Variants in MCF2L observed in about 807,000 individuals in gnomAD.
MCF2L encodes the protein guanine nucleotide exchange factor DBS.
A neutral mutation model predicts 153.4 loss-of-function variants in MCF2L; 97 were observed. The observed-to-expected ratio is 0.63, with a 90% CI of 0.54 to 0.75. MCF2L has a LOEUF of 0.75. MCF2L is among the 30% of genes least tolerant of loss of function. MCF2L has a pLI of 0.00. For missense variants in MCF2L, 1,347 were observed against 1,495.2 expected (o/e 0.90, Z 1.64); for synonymous variants, 659 against 632.2 (o/e 1.04, Z -0.64).
chr13:112,949,229 C>T (rs1240832331), intron 2 of MCF2L, among the ~76,000 whole-genome samples: 1 of 152,216 alleles, frequency 6.6e-6, no homozygotes, highest in South Asian at 2.1e-4. Context: ...AGCCCTATAG[C>T]TATTAAATAC....
Position 113,025,781 on chromosome 13 carries a change from G to A in MCF2L, c.278+1023G>A, listed in dbSNP as rs368313919. ...AACTATGGGATGAGGCAGAGTCCCTGTGAGATTTCCCTGTCATGGGGTCCC... is the reference window on the plus strand; with the variant it reads ...AACTATGGGATGAGGCAGAGTCCCTATGAGATTTCCCTGTCATGGGGTCCC... On this transcript the variant is annotated intron_variant, in intron 3 of 29. Transcript: ENST00000535094. Among the ~76,000 whole-genome samples, 99 of 146,468 alleles carry A rather than the reference G, an allele frequency of 6.8e-4. 6 individuals are homozygous for A. The East Asian group carries it at 0.016, about 24-fold the overall frequency.
At chr13:112,967,277 G>C (rs1329169395), upstream of MCF2L, among the ~76,000 whole-genome samples, 2 of 152,128 alleles carry the variant, frequency 1.3e-5, no homozygotes, top group African/African-American at 2.4e-5. Context: ...TGCAGACCAT[G>C]TGTAGACAGG....
chr13:112,910,747 C>T (rs985185600), intron 2 of MCF2L: 1 of 152,266 alleles, frequency 6.6e-6, no homozygotes, highest in Admixed American at 6.5e-5. Flanking sequence ...GGCTTCCTGC[C>T]CCCCGGTCCC....
At chr13:113,020,750 C>T (rs3011519) in intron 2 of MCF2L, among the ~76,000 whole-genome samples, 98,975 of 152,050 alleles carry the variant, frequency 0.65, 32,532 homozygotes, top group East Asian at 0.8. Flanking sequence ...GGAAGACAGA[C>T]ATCCAGTCCA....
chr13:112,917,240 A>G, intron 2 of MCF2L: 2 of 465,272 alleles, frequency 4.3e-6, no homozygotes, highest in Non-Finnish European at 8.9e-6. Flanking sequence ...CTCCACCCGC[A>G]TCCTACAGGT....
upstream of MCF2L, among the ~76,000 whole-genome samples, chr13:112,966,462 C>A (rs147284166): frequency 9.8e-5 from 15 of 152,316 alleles, no homozygotes; most frequent in East Asian, 2.9e-3. This position sits in a 1 kb window ranked among gnomAD's most constrained non-coding sequence, Gnocchi z 4.1. Context: ...ACACACCTTA[C>A]TCAAAGTCTA....
intron 15 of MCF2L, 53 bp downstream of exon 15, chr13:113,078,792 C>A (rs1166973571): frequency 6.8e-6 from 10 of 1,465,676 alleles, no homozygotes; most frequent in Non-Finnish European, 9.3e-6. Flanking sequence ...GCAGCCTGAA[C>A]CACCAGATGC....
intron 26 of MCF2L, chr13:113,090,742 T>G: frequency 1.0e-6 from 1 of 985,506 alleles, no homozygotes; most frequent in Non-Finnish European, 1.2e-6. Flanking sequence ...AAGGGCTCTT[T>G]CCAGAGAAGT....
At chr13:112,980,607 C>T (rs970713707) in intron 1 of MCF2L, among the ~76,000 whole-genome samples, 14 of 73,038 alleles carry the variant, frequency 1.9e-4, no homozygotes, top group African/African-American at 4.7e-4. Context: ...GGCCACCATG[C>T]GCAGGAGAGC....
intron 15 of MCF2L, among the ~76,000 whole-genome samples, chr13:113,080,880 G>A (rs2034067438): frequency 6.6e-6 from 1 of 152,072 alleles, no homozygotes; most frequent in Admixed American, 6.5e-5. Flanking sequence ...CCATGAGCGT[G>A]AGGAACTCAG....
intron 13 of MCF2L, among the ~76,000 whole-genome samples, chr13:113,077,458 C>T (rs1311790277): frequency 2.0e-5 from 3 of 152,230 alleles, no homozygotes; most frequent in South Asian, 2.1e-4. Flanking sequence ...TTGTAGGCAT[C>T]GTTGTGGCTG....
chr13:113,086,406 G>GCCCCACAGCCGGGTCCACAGA (rs1233014488), intron 21 of MCF2L, among the ~76,000 whole-genome samples, 157 bp downstream of exon 21: 9 of 152,204 alleles, frequency 5.9e-5, no homozygotes, highest in East Asian at 1.9e-4. Flanking sequence ...CCACTCCCAG[G>GCCCCACAGCCGGGTCCACAGA]CCCCACAGCC....
chr13:112,919,536 A>C (rs1006954112), intron 2 of MCF2L, among the ~76,000 whole-genome samples: 4 of 152,088 alleles, frequency 2.6e-5, no homozygotes, highest in Admixed American at 6.5e-5. Flanking sequence ...ATTTAAATGA[A>C]ATTTTTCTTT....
chr13:113,041,494 G>A (rs191264195), intron 3 of MCF2L, among the ~76,000 whole-genome samples: 764 of 142,820 alleles, frequency 5.3e-3, no homozygotes, highest in African/African-American at 0.022. Context: ...GGGGGATCAC[G>A]TGGCCCTGCC....
intron 2 of MCF2L, among the ~76,000 whole-genome samples, chr13:112,925,331 C>G (rs1034259381): frequency 6.6e-6 from 1 of 152,150 alleles, no homozygotes; most frequent in Non-Finnish European, 1.5e-5. Context: ...AAAACATGGA[C>G]AGGGTCTAAA....
intron 26 of MCF2L, among the ~76,000 whole-genome samples, chr13:113,091,936 A>G (rs6577027): frequency 0.99 from 150,940 of 152,280 alleles, 74,823 homozygotes; most frequent in East Asian, 1. Context: ...CACATGACAC[A>G]GCGAGCCTCA....
At chr13:112,990,130 C>T (rs989915875) in intron 1 of MCF2L, among the ~76,000 whole-genome samples, 3 of 152,206 alleles carry the variant, frequency 2.0e-5, no homozygotes, top group African/African-American at 4.8e-5. Flanking sequence ...CGACCAGTAC[C>T]GGTCTGTGGC....
At chr13:113,082,304 A>C in intron 16 of MCF2L, 123 bp from the exon 17 acceptor site, 1 of 650,894 alleles carries the variant, frequency 1.5e-6, no homozygotes, top group Non-Finnish European at 2.8e-6. Flanking sequence ...GTAACTTAGA[A>C]ATCACCCGAG....
chr13:113,090,560 A>G (rs503176), intron 26 of MCF2L: 864,481 of 985,144 alleles, frequency 0.88, 380,828 homozygotes, highest in East Asian at 0.99. Context: ...TGGGGCATCC[A>G]CTAGTGAACA....
Sources: allele counts gnomAD v4.1 joint callset (sites outside exome capture counted in the v4.1 genomes callset), GRCh38; gene constraint gnomAD v4.1.1; non-coding constraint Gnocchi (gnomAD v3.1); transcripts MANE v1.5; gene names NCBI Gene and HGNC (gene_info 2026-07-23, HGNC 2026-07-21).